The following TTN variants were observed in gnomAD, a reference collection of about 807,000 sequenced individuals.
TTN encodes titin, also known as connectin.
In TTN, 1,525 loss-of-function variants were observed where a neutral mutation model predicts 3,223.0. The ratio of observed to expected loss-of-function variants is 0.47; its 90% CI spans 0.45 to 0.49. The LOEUF is 0.49. Ranked by LOEUF, TTN falls within the 20% of genes least tolerant of loss-of-function variation. TTN has a pLI of 0.00. For missense variants in TTN, 40,786 were observed against 43,424.0 expected (o/e 0.94, Z 5.40); for synonymous variants, 14,094 against 15,161.0 (o/e 0.93, Z 5.17).
Position 178,601,161 on chromosome 2 carries a change from A to G in TTN, c.55743T>C (p.Asp18581=). ...GGCCAATCTTGAGTTTAATAGGAGG[A>G]TCAGGAGGATCTGTAAAAATAATTA... The part of the protein sequence containing the change: ...TTARDPIYPP[D]PPIKLKIGLI... The change falls in exon 288 of 363, where the codon GAT becomes GAC. Residue 18581 remains aspartate (D), a synonymous_variant. Transcript: ENST00000589042. The G allele has an allele frequency of 6.5e-7, 1 of 1,529,866 alleles. No homozygotes were observed. The highest frequency in any genetic ancestry group is 1.4e-5 in the African/African-American group (1 of 71,922). 94.8% of individuals were successfully genotyped at this position (1,529,866 alleles called of 1,614,324 possible).
In TTN at chr2:178,531,498, A is replaced by G. The variant is rs1363379988; in HGVS notation, c.105117T>C (p.Tyr35039=). ...LDVTGGDYTT[Y]ASQRRDEEVP... ...CCTCTTCATCTCTGCGTTGGGAAGC[A>G]TAGGTGGTATAATCCCCTCCTGTCA... is the stretch of plus-strand genomic sequence containing the variant. Residue 35039 remains tyrosine, a synonymous_variant, in exon 358 of 363, where the codon TAT becomes TAC. Transcript: ENST00000589042. 6 of 1,613,808 alleles carry G rather than the reference A, an allele frequency of 3.7e-6. No homozygotes were observed. The South Asian group carries it at 5.5e-5, about 15-fold the overall frequency.
Position 178,527,159 on chromosome 2 carries a change from C to G in TTN, c.107829G>C (p.Gly35943=). 1 of 1,613,946 alleles carries G rather than the reference C, an allele frequency of 6.2e-7. No homozygotes were observed. Among genetic ancestry groups the G allele is most frequent in the Non-Finnish European group, 8.5e-7 (1 of 1,179,872 alleles). ...GGRKIHSQEQ[G]RFHIENTDDL... is the part of the protein sequence containing the mutation. Reference sequence around the variant, plus strand: ...CATCTGTGTTTTCAATGTGGAACCTCCCCTGTTCTTGACTGTGGATTTTTC... The same window carrying G: ...CATCTGTGTTTTCAATGTGGAACCTGCCCTGTTCTTGACTGTGGATTTTTC... Residue 35943 remains glycine, a synonymous_variant, in exon 363 of 363, where the codon GGG becomes GGC. Transcript: ENST00000589042.
At position 178,551,784 on chromosome 2, in the gene TTN, T is replaced by C. The variant is rs995295671; in HGVS notation, c.91116A>G (p.Gln30372=). ...EKKERNSILW[Q]KVNTSPISGR... Reference sequence around the variant, plus strand: ...CAGAGATTGGTGATGTATTAACTTTTTGCCAGAGGATGCTATTTCTTTCTT... The same window carrying C: ...CAGAGATTGGTGATGTATTAACTTTCTGCCAGAGGATGCTATTTCTTTCTT... Residue 30372 remains glutamine, a synonymous_variant, in exon 335 of 363, where the codon CAA becomes CAG. Transcript: ENST00000589042. The C allele has an allele frequency of 1.2e-6, 2 of 1,613,760 alleles. No homozygotes were observed. Among genetic ancestry groups the C allele is most frequent in the Non-Finnish European group, 1.7e-6 (2 of 1,179,822 alleles).
rs1575475300 is a variant in TTN, at chr2:178,548,587, C to T, written c.93039G>A (p.Val31013=). The part of the protein sequence containing the change: ...GSKSITFTVK[V]LDTPGPPGPI... The stretch of plus-strand genomic sequence containing the variant: ...GGCCAGGTGGGCCTGGAGTGTCTAG[C>T]ACTTTCACGGTGAATGTGATTGACT... Residue 31013 remains valine (V), a synonymous_variant, in exon 339 of 363, where the codon GTG becomes GTA. Transcript: ENST00000589042. This position sits in a 1 kb window ranked among gnomAD's most constrained non-coding sequence, Gnocchi z 4.3. 2 of 1,613,866 alleles carry T rather than the reference C, an allele frequency of 1.2e-6. No homozygotes were observed. Among genetic ancestry groups the T allele is most frequent in the Non-Finnish European group, 1.7e-6 (2 of 1,179,806 alleles).
rs534604830 is a variant in TTN, at chr2:178,775,010, A to G, written c.6701T>C (p.Leu2234Pro). 2 of 1,614,060 alleles carry G rather than the reference A, an allele frequency of 1.2e-6. No homozygotes were observed. The highest frequency in any genetic ancestry group is 1.7e-5 in the Admixed American group (1 of 60,016). ...SDRKVHFLSI[L>P]TIDTSDAEDY... is the part of the protein sequence containing the mutation. The stretch of plus-strand genomic sequence containing the variant: ...TTCAGCATCAGACGTATCAATGGTC[A>G]GTATGGAGAGGAAGTGAACCTTTCT... The change falls in exon 29 of 363, where the codon CTG becomes CCG. Residue 2234 changes from leucine (L) to proline (P), a missense_variant. Coordinates refer to ENST00000589042, the MANE Select transcript of TTN (RefSeq NM_001267550.2).
chr2:178,639,595 T>G, intron 223 of TTN, 104 bp downstream of exon 223: 1 of 1,149,528 alleles, frequency 8.7e-7, no homozygotes, highest in South Asian at 1.3e-5. Context: ...GTTGAAATGA[T>G]ACCTATGTTG....
chr2:178,624,049 C>G (rs970630682), intron 242 of TTN, among the ~76,000 whole-genome samples: 1 of 151,866 alleles, frequency 6.6e-6, no homozygotes, highest in African/African-American at 2.4e-5. Flanking sequence ...TCTAGTTGTT[C>G]CCCACACCTG....
At chr2:178,719,071 G>A (rs1341764556) in intron 83 of TTN, 93 bp downstream of exon 83, 2 of 1,528,222 alleles carry the variant, frequency 1.3e-6, no homozygotes, top group African/African-American at 1.4e-5. Flanking sequence ...GACTAAACAT[G>A]AAGACAAAAT....
intron 23 of TTN, 34 bp from the exon 24 acceptor site, chr2:178,779,152 T>G (rs757376711): frequency 1.2e-6 from 2 of 1,613,132 alleles, no homozygotes; most frequent in East Asian, 2.2e-5. Context: ...TGAATAAAAT[T>G]TACATCAAAT....
At chr2:178,629,560 C>T in intron 239 of TTN, 117 bp from the exon 240 acceptor site, 1 of 1,462,476 alleles carries the variant, frequency 6.8e-7, no homozygotes, top group South Asian at 1.2e-5. Flanking sequence ...CAGGACTGGC[C>T]ACTATTTTAA....
chr2:178,777,221 C>A lies in TTN; in HGVS notation c.4742G>T (p.Gly1581Val). Residue 1581 changes from glycine (G) to valine (V), a missense_variant, in exon 27 of 363, where the codon GGT becomes GTT. Gly to Val is a moderately radical substitution (Grantham distance 109, BLOSUM62 -3). Transcript: ENST00000589042. ...SRLEMKVRATGNPNPDIVWLK... is the reference protein window; with the variant it reads ...SRLEMKVRATVNPNPDIVWLK... ...CCATACAATGTCAGGGTTGGGGTTA[C>A]CCGTAGCTCTGACTTTCATTTCAAG... 6.2e-7 allele frequency: 1 copy of A among 1,614,074 alleles called. No individual in the cohort carries two copies. Among genetic ancestry groups the A allele is most frequent in the Admixed American group, 1.7e-5 (1 of 60,016 alleles).
At position 178,732,683 on chromosome 2, in the gene TTN, C is replaced by T. The variant is rs771075704; in HGVS notation, c.16378G>A (p.Asp5460Asn). The T allele has an allele frequency of 6.2e-7, 1 of 1,602,048 alleles. No homozygotes were observed. Among genetic ancestry groups the T allele is most frequent in the Non-Finnish European group, 8.5e-7 (1 of 1,174,158 alleles). The change falls in exon 56 of 363, where the codon GAT becomes AAT. Residue 5460 changes from aspartate to asparagine, a missense_variant. Coordinates refer to ENST00000589042, the MANE Select transcript of TTN (RefSeq NM_001267550.2). The part of the protein sequence containing the change: ...PSFVTKPGSK[D>N]VLPGSAVCLK... ...CAGACTGCTGAGCCAGGCAGAACAT[C>T]CTTTGAGCCGGGTTTAGTTACAAAA...
intron 317 of TTN, 35 bp from the exon 318 acceptor site, chr2:178,580,264 G>A: frequency 6.2e-7 from 1 of 1,605,590 alleles, no homozygotes; most frequent in South Asian, 1.1e-5. Flanking sequence ...AAATGAATGT[G>A]TAAAAAATAC....
rs1488165030 is a variant in TTN at position 178,575,137 on chromosome 2, C to A, written c.70995G>T (p.Val23665=). Reference sequence around the variant, plus strand: ...GAATTTGGTCTCCTTTTTTCCATGTCACTGTGGGCTTCGGTCGACCGAGCA... The same window carrying A: ...GAATTTGGTCTCCTTTTTTCCATGTAACTGTGGGCTTCGGTCGACCGAGCA... The part of the protein sequence containing the change: ...IPVLGRPKPT[V]TWKKGDQILK... The change falls in exon 326 of 363, where the codon GTG becomes GTT. Residue 23665 remains valine, a synonymous_variant. Transcript: ENST00000589042. This position sits in a 1 kb window ranked among gnomAD's most constrained non-coding sequence, Gnocchi z 4.0. 6.2e-7 allele frequency: 1 copy of A among 1,612,574 alleles called. No individual in the cohort carries two copies.
chr2:178,639,481 C>T (rs987941068), intron 223 of TTN, among the ~76,000 whole-genome samples: 11 of 151,968 alleles, frequency 7.2e-5, no homozygotes, highest in African/African-American at 2.2e-4. Context: ...AACCCAGGAA[C>T]GTACATTCCA....
At chr2:178,600,816 G>T (rs1483735799) in intron 288 of TTN, 38 bp downstream of exon 288, 3 of 1,610,644 alleles carry the variant, frequency 1.9e-6, no homozygotes, top group African/African-American at 1.3e-5. Context: ...GAAGGCAGCT[G>T]TAAGGAGGAC....
In TTN at chr2:178,577,008, C is replaced by A; in HGVS notation, c.69327G>T (p.Glu23109Asp). ...HVATKLIQGNEYIFRVSAVNH... is the reference protein window; with the variant it reads ...HVATKLIQGNDYIFRVSAVNH... Reference sequence around the variant, plus strand: ...TTACAGCTGAGACCCGGAAGATGTACTCATTTCCTTGGATAAGTTTGGTTG... The same window carrying A: ...TTACAGCTGAGACCCGGAAGATGTAATCATTTCCTTGGATAAGTTTGGTTG... Residue 23109 changes from glutamate (E) to aspartate (D), a missense_variant, in exon 324 of 363, where the codon GAG becomes GAT. Coordinates refer to ENST00000589042, the MANE Select transcript of TTN (RefSeq NM_001267550.2). 6.2e-7 allele frequency: 1 copy of A among 1,613,462 alleles called. No homozygotes were observed. The highest frequency in any genetic ancestry group is 1.7e-4 in the Middle Eastern group (1 of 6,054).
chr2:178,688,259 G>C, intron 126 of TTN, 35 bp from the exon 127 acceptor site: 5 of 1,582,486 alleles, frequency 3.2e-6, no homozygotes, highest in Non-Finnish European at 3.5e-6. Flanking sequence ...AATTCAGCCT[G>C]CTGAGATACA....
At chr2:178,665,204 A>C (rs1274381944) in intron 165 of TTN, among the ~76,000 whole-genome samples, 173 bp downstream of exon 165, 1 of 152,164 alleles carries the variant, frequency 6.6e-6, no homozygotes, top group Non-Finnish European at 1.5e-5. Context: ...GTTTTGGCAG[A>C]AACAGCCATA....
Sources: allele counts gnomAD v4.1 joint callset (sites outside exome capture counted in the v4.1 genomes callset), GRCh38; gene constraint gnomAD v4.1.1; non-coding constraint Gnocchi (gnomAD v3.1); transcripts MANE v1.5; gene names NCBI Gene and HGNC (gene_info 2026-07-23, HGNC 2026-07-21).